Variants in RHOBTB1 observed in about 807,000 individuals in gnomAD.
The protein encoded by RHOBTB1 is rho-related BTB domain-containing protein 1.
RHOBTB1 carries 40 observed loss-of-function variants against 71.6 expected under a neutral mutation model. The ratio of observed to expected loss-of-function variants is 0.56; its 90% CI spans 0.43 to 0.73. The LOEUF is 0.73. Ranked by LOEUF, RHOBTB1 falls within the 30% of genes least tolerant of loss-of-function variation. The pLI, the probability that RHOBTB1 is intolerant of heterozygous loss-of-function variation, is 0.00. For missense variants in RHOBTB1, 797 were observed against 894.0 expected, an observed-to-expected ratio of 0.89 and a Z score of 1.38; for synonymous variants, 319 against 334.9, an observed-to-expected ratio of 0.95 and a Z score of 0.52.
chr10:60,872,101 T>C (rs2080819199), intron 10 of RHOBTB1, 84 bp downstream of exon 10: 1 of 1,018,458 alleles, frequency 9.8e-7, no homozygotes, highest in Non-Finnish European at 1.6e-6. Context: ...CTGCTGACCA[T>C]GTTCCTTTCC....
At chr10:60,996,187 T>A (rs1234143461) in intron 1 of RHOBTB1, among the ~76,000 whole-genome samples, 1 of 152,196 alleles carries the variant, frequency 6.6e-6, no homozygotes, top group African/African-American at 2.4e-5. Flanking sequence ...TTTAGTTTGA[T>A]CATGTTCTCC....
At chr10:60,970,238 T>A (rs1299826195) in intron 2 of RHOBTB1, among the ~76,000 whole-genome samples, 1 of 152,068 alleles carries the variant, frequency 6.6e-6, no homozygotes, top group African/African-American at 2.4e-5. Flanking sequence ...CTATTCCAAT[T>A]TTGCTTATTA....
intron 2 of RHOBTB1, among the ~76,000 whole-genome samples, chr10:60,964,814 G>C (rs867817802): frequency 3.3e-5 from 5 of 152,200 alleles, no homozygotes; most frequent in Middle Eastern, 3.4e-3. Context: ...ATTTCAAGTG[G>C]AGAGCAAAGA....
At chr10:60,943,132 G>C (rs563305603) in intron 1 of RHOBTB1, among the ~76,000 whole-genome samples, 6 of 152,166 alleles carry the variant, frequency 3.9e-5, no homozygotes, top group Non-Finnish European at 7.3e-5. Context: ...CAGCTCCAAA[G>C]GCACAGCTTG....
intron 2 of RHOBTB1, among the ~76,000 whole-genome samples, chr10:60,920,426 C>T (rs540906037): frequency 3.8e-4 from 58 of 151,990 alleles, no homozygotes; most frequent in African/African-American, 1.1e-3. Context: ...GAGAAGGGCC[C>T]GTTCAAGAGA....
chr10:60,995,755 A>C (rs2087025867), intron 1 of RHOBTB1, among the ~76,000 whole-genome samples: 1 of 152,068 alleles, frequency 6.6e-6, no homozygotes, highest in Admixed American at 6.5e-5. Context: ...GTTTTTTGTT[A>C]ATGCAATTTC....
chr10:60,992,852 G>A (rs1329600669), intron 1 of RHOBTB1, among the ~76,000 whole-genome samples: 1 of 152,132 alleles, frequency 6.6e-6, no homozygotes, highest in Non-Finnish European at 1.5e-5. Flanking sequence ...AGCTGTCAAT[G>A]TGATCCATTT....
chr10:60,901,893 C>T (rs1164122540), intron 4 of RHOBTB1, among the ~76,000 whole-genome samples: 6 of 152,354 alleles, frequency 3.9e-5, no homozygotes, highest in South Asian at 4.1e-4. Flanking sequence ...CTCTCTTGGG[C>T]CCATCAATGC....
intron 7 of RHOBTB1, among the ~76,000 whole-genome samples, chr10:60,884,285 T>C (rs2081464904): frequency 1.3e-5 from 2 of 152,334 alleles, no homozygotes; most frequent in South Asian, 4.1e-4. Context: ...GTGCCTCATG[T>C]GAAAAGTTAG....
intron 2 of RHOBTB1, among the ~76,000 whole-genome samples, chr10:60,921,136 T>C (rs1195166284): frequency 6.6e-6 from 1 of 151,846 alleles, no homozygotes; most frequent in East Asian, 1.9e-4. Context: ...TTTGTAGAGA[T>C]GGAGTTTCAC....
intron 4 of RHOBTB1, among the ~76,000 whole-genome samples, chr10:60,896,655 A>G (rs1279245859): frequency 1.3e-5 from 2 of 152,214 alleles, no homozygotes; most frequent in African/African-American, 2.4e-5. Context: ...GGACTTAAGG[A>G]TATATGGTCT....
At chr10:60,995,042 A>C (rs1278066277) in intron 1 of RHOBTB1, among the ~76,000 whole-genome samples, 1 of 151,964 alleles carries the variant, frequency 6.6e-6, no homozygotes, top group Non-Finnish European at 1.5e-5. Flanking sequence ...GGTTTAAACA[A>C]CCCTGGCTGC....
intron 2 of RHOBTB1, among the ~76,000 whole-genome samples, chr10:60,935,219 C>G (rs1410946656): frequency 6.6e-6 from 1 of 152,004 alleles, no homozygotes; most frequent in Non-Finnish European, 1.5e-5. Context: ...AATATTGAAG[C>G]CAGGCACAAA....
intron 2 of RHOBTB1, among the ~76,000 whole-genome samples, chr10:60,917,435 GCC>G (rs1199468065): frequency 6.6e-6 from 1 of 152,208 alleles, no homozygotes; most frequent in Non-Finnish European, 1.5e-5. Flanking sequence ...AGGTGGCTTA[GCC>G]AACAGAAATT....
intron 1 of RHOBTB1, among the ~76,000 whole-genome samples, chr10:61,000,658 T>G (rs1293994242): frequency 2.0e-5 from 3 of 152,088 alleles, no homozygotes; most frequent in Admixed American, 6.5e-5. Flanking sequence ...ACTAAGAGAA[T>G]GTATATCTTC....
chr10:60,867,998 TCA>T (rs1183022141), downstream of RHOBTB1, among the ~76,000 whole-genome samples: 1 of 152,224 alleles, frequency 6.6e-6, no homozygotes, highest in Non-Finnish European at 1.5e-5. Flanking sequence ...TATCTGTGGC[TCA>T]CAGTGTTTAA....
At chr10:60,918,048 T>A (rs1161781792) in intron 2 of RHOBTB1, among the ~76,000 whole-genome samples, 1 of 152,198 alleles carries the variant, frequency 6.6e-6, no homozygotes, top group African/African-American at 2.4e-5. Context: ...TCTGTGTGCA[T>A]GTGTGTGTGG....
chr10:60,955,043 C>CTTTT (rs34012455), intron 2 of RHOBTB1, among the ~76,000 whole-genome samples: 49,961 of 111,758 alleles, frequency 0.45, 10,885 homozygotes, highest in East Asian at 0.7. Flanking sequence ...TTCTTTCTTT[C>CTTTT]TTTTTTTTTT....
intron 1 of RHOBTB1, among the ~76,000 whole-genome samples, chr10:60,990,932 C>T (rs1231610677): frequency 6.6e-6 from 1 of 152,178 alleles, no homozygotes; most frequent in Non-Finnish European, 1.5e-5. Flanking sequence ...TCAACACATC[C>T]AACACTGAAC....
Sources: gnomAD v4.1 joint callset for allele counts (sites outside exome capture counted in the v4.1 genomes callset) on GRCh38, gnomAD v4.1.1 for gene constraint, MANE v1.5 for transcripts, NCBI Gene and HGNC (gene_info 2026-07-23, HGNC 2026-07-21) for gene names.